The following GDPD4 variants were observed in gnomAD, a reference collection of about 807,000 sequenced individuals.
GDPD4 encodes glycerophosphodiester phosphodiesterase domain containing 4, also known as glycerophosphodiester phosphodiesterase 6.
Under a neutral mutation model 67.8 loss-of-function variants are expected in GDPD4, and 60 were observed. The observed-to-expected ratio is 0.88, with a 90% CI of 0.72 to 1.10. The LOEUF is 1.10. GDPD4 is among the 50% of genes least tolerant of loss of function. GDPD4 has a pLI of 0.00. For synonymous variants in GDPD4, 212 were observed against 210.9 expected (o/e 1.00, Z -0.04); for missense variants, 623 against 613.9 (o/e 1.01, Z -0.16).
chr11:77,276,606 A>G (rs1959481012), intron 4 of GDPD4, among the ~76,000 whole-genome samples: 1 of 152,214 alleles, frequency 6.6e-6, no homozygotes, highest in South Asian at 2.1e-4. Flanking sequence ...GTAAGAGAAG[A>G]AAGGTCAGGA....
At chr11:77,273,116 A>C (rs112406671) in intron 5 of GDPD4, among the ~76,000 whole-genome samples, 2,494 of 152,270 alleles carry the variant, frequency 0.016, 21 homozygotes, top group African/African-American at 0.027. Context: ...TGACAAATAC[A>C]TTTCGTGTGT....
At chr11:77,220,894 G>T (rs1014812570) in intron 16 of GDPD4, among the ~76,000 whole-genome samples, 2 of 152,156 alleles carry the variant, frequency 1.3e-5, no homozygotes, top group Non-Finnish European at 2.9e-5. Flanking sequence ...CCTGTTATTG[G>T]TCTATTCAGG....
rs1565533741 is a variant in GDPD4, at chr11:77,268,974, CCTT to C, written c.571_573del (p.Lys191del). ...ATGGTTGGCTTGGGCCCCAAATTCTCCTTCTCCTGAATGCAGGGAGAATAAATC... is the reference window on the plus strand; with the variant it reads ...ATGGTTGGCTTGGGCCCCAAATTCTCCTCCTGAATGCAGGGAGAATAAATC... On this transcript the variant is annotated inframe_deletion, in exon 9 of 17. Coordinates refer to ENST00000315938, the MANE Select transcript of GDPD4 (RefSeq NM_182833.3). 5 of 1,614,108 alleles carry C rather than the reference CCTT, an allele frequency of 3.1e-6. No homozygotes were observed. The highest frequency in any genetic ancestry group is 2.2e-5 in the East Asian group (1 of 44,880).
chr11:77,232,193 C>G (rs1382498752), intron 14 of GDPD4, among the ~76,000 whole-genome samples: 1 of 152,130 alleles, frequency 6.6e-6, no homozygotes, highest in Non-Finnish European at 1.5e-5. Flanking sequence ...TTTTTGATGA[C>G]TAAAAGTGAA....
intron 16 of GDPD4, among the ~76,000 whole-genome samples, chr11:77,220,985 T>C (rs911088532): frequency 1.3e-5 from 2 of 152,176 alleles, no homozygotes; most frequent in African/African-American, 4.8e-5. Flanking sequence ...GGTTTAGTCG[T>C]GGGAGGGTGT....
At chr11:77,217,478 T>A (rs1203832758) in intron 16 of GDPD4, among the ~76,000 whole-genome samples, 164 bp from the exon 17 acceptor site, 1 of 151,216 alleles carries the variant, frequency 6.6e-6, no homozygotes. Flanking sequence ...CAAACTTTAT[T>A]ATGGCCCTCC....
At chr11:77,252,065 G>GTTTTTTTTTTTTTTTTT (rs71043561) in intron 11 of GDPD4, among the ~76,000 whole-genome samples, 1 of 127,428 alleles carries the variant, frequency 7.8e-6, no homozygotes, top group East Asian at 2.2e-4. Context: ...TTTTTTTTTT[G>GTTTTTTTTTTTTTTTTT]TTTTTTTTTT....
chr11:77,269,387 T>G (rs754271620), intron 8 of GDPD4, among the ~76,000 whole-genome samples: 1 of 152,120 alleles, frequency 6.6e-6, no homozygotes, highest in Non-Finnish European at 1.5e-5. Context: ...GAGCAGCTTC[T>G]CAGGAGGAGG....
intron 4 of GDPD4, 77 bp from the exon 5 acceptor site, chr11:77,276,297 C>G (rs1348271036): frequency 3.7e-6 from 4 of 1,079,824 alleles, no homozygotes; most frequent in Non-Finnish European, 5.7e-6. Context: ...CCTATAGCTC[C>G]AAATTCCGTT....
At chr11:77,227,815 C>T in intron 16 of GDPD4, 49 bp downstream of exon 16, 2 of 1,406,990 alleles carry the variant, frequency 1.4e-6, no homozygotes, top group Non-Finnish European at 2.0e-6. Flanking sequence ...CTCCTGGAAG[C>T]AATGGGTAGG....
intron 11 of GDPD4, among the ~76,000 whole-genome samples, chr11:77,250,072 T>C (rs1052800733): frequency 1.3e-4 from 20 of 152,306 alleles, no homozygotes; most frequent in African/African-American, 4.8e-4. Context: ...TTTTCTCTTT[T>C]ATTTGAGCCA....
intron 1 of GDPD4, among the ~76,000 whole-genome samples, chr11:77,293,690 T>G (rs1024800757): frequency 1.3e-5 from 2 of 151,986 alleles, no homozygotes; most frequent in Admixed American, 1.3e-4. Flanking sequence ...AAATTCAAAC[T>G]CCATTCCTGA....
intron 7 of GDPD4, among the ~76,000 whole-genome samples, chr11:77,270,346 GT>G (rs1463154966): frequency 6.6e-6 from 1 of 152,200 alleles, no homozygotes; most frequent in Non-Finnish European, 1.5e-5. Flanking sequence ...AAGTCCTCAG[GT>G]ATGACATGGT....
Position 77,235,009 on chromosome 11 carries a change from G to GTTTTTTTTTTTTTTTTTTT in GDPD4, c.1242-1856_1242-1838dup, listed in dbSNP as rs57989259. 9.2e-4 allele frequency among the ~76,000 whole-genome samples: 48 copies of GTTTTTTTTTTTTTTTTTTT among 52,262 alleles called. 4 individuals are homozygous for GTTTTTTTTTTTTTTTTTTT. The highest frequency in any genetic ancestry group is 1.2e-3 in the Non-Finnish European group (32 of 27,084). The allele number at this position is 52,262 out of a possible 152,430, so 34.3% of individuals were successfully genotyped here. On this transcript the variant is annotated intron_variant, in intron 13 of 16. Coordinates refer to ENST00000315938, the MANE Select transcript of GDPD4 (RefSeq NM_182833.3). Reference sequence around the variant, plus strand: ...TCTCTCTGCAACCTTGTCAATATCTGTTTTTTTTTTTTTTTTTTTTTTTTT... The same window carrying GTTTTTTTTTTTTTTTTTTT: ...TCTCTCTGCAACCTTGTCAATATCTGTTTTTTTTTTTTTTTTTTTTTTTTTTTTTTTTTTTTTTTTTTTT...
intron 8 of GDPD4, among the ~76,000 whole-genome samples, 196 bp from the exon 9 acceptor site, chr11:77,269,265 A>G (rs1329449229): frequency 1.3e-5 from 2 of 152,170 alleles, no homozygotes; most frequent in African/African-American, 4.8e-5. Context: ...ATAGAACTGT[A>G]CAAATATAGG....
At chr11:77,218,910 A>T (rs1406935837) in intron 16 of GDPD4, among the ~76,000 whole-genome samples, 2 of 152,198 alleles carry the variant, frequency 1.3e-5, no homozygotes, top group Non-Finnish European at 2.9e-5. Context: ...ATACCCAGTA[A>T]TGGGATCACT....
intron 13 of GDPD4, among the ~76,000 whole-genome samples, chr11:77,238,584 CAA>C (rs199508047): frequency 0.43 from 50,359 of 117,740 alleles, 10,092 homozygotes; most frequent in Middle Eastern, 0.55. Flanking sequence ...AACTCCGTCT[CAA>C]AAAAAAAAAA....
intron 3 of GDPD4, among the ~76,000 whole-genome samples, chr11:77,280,240 C>T (rs1379253947): frequency 6.6e-6 from 1 of 151,568 alleles, no homozygotes; most frequent in Non-Finnish European, 1.5e-5. Context: ...TATGAGCCAA[C>T]AAATAGAAAA....
At chr11:77,217,955 G>C (rs1043759577) in intron 16 of GDPD4, among the ~76,000 whole-genome samples, 6 of 151,988 alleles carry the variant, frequency 3.9e-5, no homozygotes, top group African/African-American at 1.5e-4. Flanking sequence ...CAGAACTCAG[G>C]TTTTGTTTTC....
Sources: gnomAD v4.1 joint callset for allele counts (sites outside exome capture counted in the v4.1 genomes callset) on GRCh38, gnomAD v4.1.1 for gene constraint, MANE v1.5 for transcripts, NCBI Gene and HGNC (gene_info 2026-07-23, HGNC 2026-07-21) for gene names.